Variants in CASD1 observed in about 807,000 individuals in gnomAD.
The protein encoded by CASD1 is CAS1 domain sialic acid O acetyltransferase 1, also known as N-acetylneuraminate (7)9-O-acetyltransferase.
CASD1 carries 41 observed loss-of-function variants against 100.0 expected under a neutral mutation model. The observed-to-expected ratio is 0.41, with a 90% CI of 0.32 to 0.53. The LOEUF is 0.53. Among genes scored for constraint, CASD1 ranks in the 20% least tolerant of loss-of-function variants. The pLI is 0.25. For synonymous variants in CASD1, 321 were observed against 315.6 expected (o/e 1.02, Z -0.18); for missense variants, 774 against 948.7 (o/e 0.82, Z 2.42).
chr7:94,615,587 A>G, the CASD1 span, among the ~76,000 whole-genome samples: 4 of 152,156 alleles, frequency 2.6e-5, no homozygotes, highest in Non-Finnish European at 5.9e-5. Flanking sequence ...TACAGCAAAA[A>G]GCAGACAATC....
intron 17 of CASD1, among the ~76,000 whole-genome samples, chr7:94,555,141 G>T (rs1310983587): frequency 2.0e-5 from 3 of 152,122 alleles, no homozygotes; most frequent in African/African-American, 7.2e-5. Flanking sequence ...ATTTGAAATA[G>T]AATGTTTTAA....
intron 3 of CASD1, among the ~76,000 whole-genome samples, chr7:94,526,587 G>A (rs1794580364): frequency 1.3e-5 from 2 of 152,270 alleles, no homozygotes; most frequent in South Asian, 2.1e-4. Context: ...CCAGGAGTTC[G>A]AGACCAGCTG....
rs569354166 is a variant in CASD1 at position 94,521,595 on chromosome 7, CAGA to C, written c.351+3277_351+3279del. Among the ~76,000 whole-genome samples, 164 of 152,034 alleles carry C rather than the reference CAGA, an allele frequency of 1.1e-3. 1 individual carries two copies. The highest frequency in any genetic ancestry group is 3.6e-3 in the African/African-American group (151 of 41,460). ...TGAATTAGAATGTATAAATTTCAAT[CAGA>C]AGAATAAAAAAATTAAGCAAAAACC... On this transcript the variant is annotated intron_variant, in intron 3 of 17. Transcript: ENST00000297273.
chr7:94,558,193 A>T (rs181618592), downstream of CASD1, among the ~76,000 whole-genome samples: 13 of 152,280 alleles, frequency 8.5e-5, no homozygotes, highest in East Asian at 2.5e-3. Context: ...ATCTAAATTA[A>T]TAATGTTTTA....
chr7:94,596,062 GA>G, the CASD1 span, among the ~76,000 whole-genome samples: 1 of 152,058 alleles, frequency 6.6e-6, no homozygotes, highest in Non-Finnish European at 1.5e-5. Flanking sequence ...TGAATAATGT[GA>G]AGGTTTTCTG....
intron 10 of CASD1, among the ~76,000 whole-genome samples, chr7:94,541,537 G>GTTTTTTTTTTTT (rs56786123): frequency 8.3e-5 from 5 of 60,084 alleles, no homozygotes; most frequent in Non-Finnish European, 1.4e-4. Context: ...TGTTCCACTG[G>GTTTTTTTTTTTT]TTTTTTTTTT....
At chr7:94,623,287 T>C in the CASD1 span, 10 of 1,286,172 alleles carry the variant, frequency 7.8e-6, no homozygotes, top group Non-Finnish European at 1.1e-5. Context: ...GAAATACTTC[T>C]TATAAATAAG....
At chr7:94,536,754 A>G (rs766797414) in intron 8 of CASD1, among the ~76,000 whole-genome samples, 1 of 152,224 alleles carries the variant, frequency 6.6e-6, no homozygotes. Flanking sequence ...TGCCTAAACT[A>G]TGAAGTTTTT....
At chr7:94,537,074 T>C (rs901125503) in intron 8 of CASD1, among the ~76,000 whole-genome samples, 9 of 152,148 alleles carry the variant, frequency 5.9e-5, no homozygotes, top group African/African-American at 2.2e-4. Context: ...TAAAATTCTT[T>C]GGTCCTTGAT....
the CASD1 span, among the ~76,000 whole-genome samples, chr7:94,591,386 G>A: frequency 2.6e-5 from 4 of 152,204 alleles, no homozygotes; most frequent in Admixed American, 2.0e-4. Context: ...ACACATAGGC[G>A]CACACCACAC....
At chr7:94,540,632 A>G (rs1005937381) in intron 10 of CASD1, among the ~76,000 whole-genome samples, 10 of 152,144 alleles carry the variant, frequency 6.6e-5, no homozygotes, top group African/African-American at 2.2e-4. Flanking sequence ...AGTCATTATG[A>G]AAGAGCCAAG....
chr7:94,588,711 C>CT, the CASD1 span: 1 of 1,610,494 alleles, frequency 6.2e-7, no homozygotes, highest in Non-Finnish European at 8.5e-7. Context: ...GTTGGGGAAT[C>CT]TGAGTCTGAT....
intron 10 of CASD1, among the ~76,000 whole-genome samples, chr7:94,539,668 CA>C (rs71120400): frequency 5.5e-4 from 66 of 119,724 alleles, no homozygotes; most frequent in African/African-American, 7.9e-4. Flanking sequence ...GACTCCGTCT[CA>C]AAAAAAAAAA....
At chr7:94,590,591 G>C in the CASD1 span, 1 of 152,192 alleles carries the variant, frequency 6.6e-6, no homozygotes. Flanking sequence ...TCAGTCCTTT[G>C]TAATAAAGTT....
At chr7:94,567,962 G>T in the CASD1 span, among the ~76,000 whole-genome samples, 1 of 152,026 alleles carries the variant, frequency 6.6e-6, no homozygotes, top group African/African-American at 2.4e-5. Flanking sequence ...AACGTATAAA[G>T]TTCATATGAT....
At chr7:94,630,206 C>T in the CASD1 span, among the ~76,000 whole-genome samples, 2 of 151,792 alleles carry the variant, frequency 1.3e-5, no homozygotes, top group East Asian at 3.9e-4. Context: ...TGACCAGCTA[C>T]ATAATTGCTA....
the CASD1 span, among the ~76,000 whole-genome samples, chr7:94,610,225 G>A: frequency 6.6e-6 from 1 of 152,130 alleles, no homozygotes; most frequent in Admixed American, 6.5e-5. Context: ...GAACAGGTGG[G>A]ACATAGATGA....
At position 94,537,488 on chromosome 7, in the gene CASD1, T is replaced by C; in HGVS notation, c.860T>C (p.Met287Thr). Residue 287 changes from methionine to threonine, a missense_variant, in exon 9 of 18, where the codon ATG becomes ACG. Met to Thr is a moderately conservative substitution (Grantham distance 81). Transcript: ENST00000297273. The part of the protein sequence containing the change: ...SSRETTAMIL[M>T]NVYCNKILKP... The stretch of plus-strand genomic sequence containing the variant: ...TGTTCACAGACTGCAATGATTCTTA[T>C]GAATGTGTATTGCAATAAGATTTTG... 3.1e-6 allele frequency: 5 copies of C among 1,605,744 alleles called. No individual in the cohort carries two copies. The highest frequency in any genetic ancestry group is 4.2e-6 in the Non-Finnish European group (5 of 1,176,676).
At chr7:94,513,977 TG>T (rs1793846899) in intron 1 of CASD1, among the ~76,000 whole-genome samples, 1 of 152,192 alleles carries the variant, frequency 6.6e-6, no homozygotes, top group Non-Finnish European at 1.5e-5. Flanking sequence ...AATCTCAAAA[TG>T]TCCATTATTA....
Sources: allele counts gnomAD v4.1 joint callset (sites outside exome capture counted in the v4.1 genomes callset), GRCh38; gene constraint gnomAD v4.1.1; transcripts MANE v1.5; gene names NCBI Gene and HGNC (gene_info 2026-07-23, HGNC 2026-07-21).